OPCML: variants seen among roughly 807,000 people sequenced by gnomAD.
The protein encoded by OPCML is opioid binding protein/cell adhesion molecule like.
Under a neutral mutation model 37.8 loss-of-function variants are expected in OPCML, and 13 were observed. That is an observed-to-expected ratio of 0.34 (90% CI 0.22 to 0.55). The LOEUF (loss-of-function observed/expected upper bound fraction) is 0.55, where lower values mean the gene tolerates loss of function less well. Ranked by LOEUF, OPCML falls within the 20% of genes least tolerant of loss-of-function variation. The pLI is 0.91. For synonymous variants in OPCML, 176 were observed against 168.8 expected, an observed-to-expected ratio of 1.04 and a Z score of -0.33; for missense variants, 341 against 435.6, an observed-to-expected ratio of 0.78 and a Z score of 1.93.
intron 4 of OPCML, among the ~76,000 whole-genome samples, chr11:132,440,482 C>T (rs529568549): frequency 2.2e-4 from 33 of 152,244 alleles, no homozygotes; most frequent in Non-Finnish European, 4.6e-4. Flanking sequence ...CACTGTGCCG[C>T]GCTGTTCGTG....
At chr11:132,687,496 T>C (rs1943218758) in intron 2 of OPCML, among the ~76,000 whole-genome samples, 1 of 146,496 alleles carries the variant, frequency 6.8e-6, no homozygotes, top group East Asian at 2.0e-4. Flanking sequence ...ATAAATCCGA[T>C]CTTCTTCTGC....
At position 133,491,670 on chromosome 11, in the gene OPCML, A is replaced by G. The variant is rs547772325; in HGVS notation, c.61+40594T>C. On this transcript the variant is annotated intron_variant, in intron 1 of 7. Coordinates refer to ENST00000524381, the MANE Select transcript of OPCML (RefSeq NM_001012393.5). ...TGTGACTGAGGCAGGCTGCAGCAGC[A>G]TGATGAGGTTTGAAATCTTCTCGTT... is the stretch of plus-strand genomic sequence containing the variant. Among the ~76,000 whole-genome samples the G allele has an allele frequency of 2.0e-5, 3 of 152,324 alleles. No individual in the cohort carries two copies. The South Asian group carries it at 6.2e-4, about 32-fold the overall frequency.
intron 1 of OPCML, among the ~76,000 whole-genome samples, chr11:133,270,607 CA>C (rs1469062259): frequency 6.6e-6 from 1 of 152,132 alleles, no homozygotes; most frequent in Non-Finnish European, 1.5e-5. Flanking sequence ...TTGTTCAATT[CA>C]ACATGGAGGT....
intron 1 of OPCML, among the ~76,000 whole-genome samples, chr11:133,525,370 T>C (rs1948469406): frequency 6.6e-6 from 1 of 152,086 alleles, no homozygotes; most frequent in African/African-American, 2.4e-5. Context: ...TACGGAACTG[T>C]GATTGTCCAG....
intron 2 of OPCML, among the ~76,000 whole-genome samples, chr11:132,761,097 C>A (rs1385388851): frequency 6.6e-6 from 1 of 152,184 alleles, no homozygotes; most frequent in Admixed American, 6.5e-5. Context: ...GTTGAAAATT[C>A]TTTTCTTTAA....
chr11:132,709,093 C>T (rs898075062), intron 2 of OPCML, among the ~76,000 whole-genome samples: 2 of 152,156 alleles, frequency 1.3e-5, no homozygotes, highest in African/African-American at 2.4e-5. Context: ...ACAAGCTGTG[C>T]TCTAACCTCC....
chr11:133,069,202 G>A lies in OPCML; in HGVS notation c.62-126192C>T, dbSNP rs1224874188. 2.0e-5 allele frequency among the ~76,000 whole-genome samples: 3 copies of A among 152,222 alleles called. No homozygotes were observed. In the East Asian group the frequency reaches 5.8e-4, roughly 29 times the overall value. ...CCTCAGTCTTCCCATCTCCAAAATG[G>A]GGATAATAATATAGACCTAAACTGA... On this transcript the variant is annotated intron_variant, in intron 1 of 7. Transcript: ENST00000524381.
intron 1 of OPCML, chr11:133,024,776 T>A (rs1947518290): frequency 4.1e-6 from 4 of 983,950 alleles, no homozygotes; most frequent in Non-Finnish European, 3.6e-6. Context: ...TGTGGAAGAC[T>A]TGGAGTGTAA....
At chr11:132,914,472 T>C (rs1195814783) in intron 2 of OPCML, among the ~76,000 whole-genome samples, 1 of 152,218 alleles carries the variant, frequency 6.6e-6, no homozygotes, top group Non-Finnish European at 1.5e-5. Context: ...TGCTTCTGTA[T>C]ACGGAAAAAT....
chr11:133,390,250 G>A (rs1345026941), intron 1 of OPCML, among the ~76,000 whole-genome samples: 3 of 152,108 alleles, frequency 2.0e-5, no homozygotes, highest in Admixed American at 6.5e-5. Context: ...ACGAGGTCAG[G>A]AGATCGAGAC....
chr11:132,685,298 C>G (rs1276075018), intron 2 of OPCML, among the ~76,000 whole-genome samples: 2 of 152,188 alleles, frequency 1.3e-5, no homozygotes, highest in Non-Finnish European at 2.9e-5. Context: ...ATACATATGA[C>G]ATTTCTCCCT....
At chr11:133,281,817 G>A (rs999318665) in intron 1 of OPCML, among the ~76,000 whole-genome samples, 7 of 151,974 alleles carry the variant, frequency 4.6e-5, no homozygotes, top group African/African-American at 7.3e-5. Context: ...TGAACTTATC[G>A]GAAACTGCTG....
chr11:133,275,881 T>A (rs1941979261), intron 1 of OPCML, among the ~76,000 whole-genome samples: 1 of 152,194 alleles, frequency 6.6e-6, no homozygotes, highest in Non-Finnish European at 1.5e-5. Context: ...AACTCTTATC[T>A]TTTTTATCCT....
intron 2 of OPCML, among the ~76,000 whole-genome samples, chr11:132,854,005 A>G (rs1941936452): frequency 6.6e-6 from 1 of 152,154 alleles, no homozygotes; most frequent in Non-Finnish European, 1.5e-5. Flanking sequence ...ACACAGGGTA[A>G]GGGCTTAATC....
In OPCML at chr11:133,174,061, G is replaced by C. The variant is rs1408715911; in HGVS notation, c.62-231051C>G. On this transcript the variant is annotated intron_variant, in intron 1 of 7. Transcript: ENST00000524381. This position sits in a 1 kb window ranked among gnomAD's most constrained non-coding sequence, Gnocchi z 4.6. ...GCCCTGCACTGCGGCCATAAATCAG[G>C]AACTAATTCAATCCTGTGAGATGCC... 6.6e-6 allele frequency among the ~76,000 whole-genome samples: 1 copy of C among 152,218 alleles called. No homozygotes were observed. Among genetic ancestry groups the C allele is most frequent in the Admixed American group, 6.5e-5 (1 of 15,288 alleles).
chr11:133,292,378 A>C (rs1348355384), intron 1 of OPCML, among the ~76,000 whole-genome samples: 8 of 151,814 alleles, frequency 5.3e-5, no homozygotes, highest in Non-Finnish European at 1.0e-4. Context: ...CAACATTTCC[A>C]CTTGTTTCCC....
intron 4 of OPCML, among the ~76,000 whole-genome samples, chr11:132,477,941 G>A (rs2136995411): frequency 6.6e-6 from 1 of 152,264 alleles, no homozygotes; most frequent in East Asian, 1.9e-4. Context: ...TTTATCAAAT[G>A]TATGCATATA....
At chr11:133,182,183 T>C (rs1937864397) in intron 1 of OPCML, among the ~76,000 whole-genome samples, 1 of 152,170 alleles carries the variant, frequency 6.6e-6, no homozygotes, top group South Asian at 2.1e-4. Flanking sequence ...AGAAAATCCA[T>C]GTAGCAGGAA....
intron 1 of OPCML, among the ~76,000 whole-genome samples, chr11:133,335,449 C>A (rs1250863424): frequency 1.3e-5 from 2 of 152,214 alleles, no homozygotes; most frequent in Admixed American, 1.3e-4. Context: ...ACTGCGTCAC[C>A]CCTGGAGGCT....
Sources: allele counts gnomAD v4.1 joint callset (sites outside exome capture counted in the v4.1 genomes callset), GRCh38; gene constraint gnomAD v4.1.1; non-coding constraint Gnocchi (gnomAD v3.1); transcripts MANE v1.5; gene names NCBI Gene and HGNC (gene_info 2026-07-23, HGNC 2026-07-21).